Variants in RRAS2 observed in about 807,000 individuals in gnomAD.
RRAS2 encodes the protein RAS related 2, also known as ras-related protein R-Ras2.
Under a neutral mutation model 27.6 loss-of-function variants are expected in RRAS2, and 7 were observed. That is an observed-to-expected ratio of 0.25 (90% CI 0.14 to 0.48). The LOEUF is 0.48. Among genes scored for constraint, RRAS2 ranks in the 20% least tolerant of loss-of-function variants. The probability of loss-of-function intolerance (pLI) is 0.99; values close to 1 mark genes in which losing one functional copy is unlikely to be tolerated. For synonymous variants in RRAS2, 86 were observed against 90.9 expected (o/e 0.95, Z 0.31); for missense variants, 178 against 256.2 (o/e 0.69, Z 2.08).
At chr11:14,363,994 C>A (rs868912021), upstream of RRAS2, among the ~76,000 whole-genome samples, 1 of 150,154 alleles carries the variant, frequency 6.7e-6, no homozygotes, top group Non-Finnish European at 1.5e-5. Flanking sequence ...CGCTTGAACC[C>A]GGGAGGCGGA....
chr11:14,294,704 T>A (rs1249456141), intron 3 of RRAS2, 56 bp downstream of exon 3: 2 of 1,559,066 alleles, frequency 1.3e-6, no homozygotes, highest in African/African-American at 2.7e-5. Context: ...CCAAACTCAA[T>A]AAAGTCTAGT....
chr11:14,357,900 C>A (rs993340028), intron 1 of RRAS2, among the ~76,000 whole-genome samples: 2 of 152,180 alleles, frequency 1.3e-5, no homozygotes, highest in Non-Finnish European at 2.9e-5. Context: ...AACCTCTCCC[C>A]AAGAGCAAAT....
At chr11:14,280,398 A>T (rs1849491338) in intron 5 of RRAS2, among the ~76,000 whole-genome samples, 1 of 152,174 alleles carries the variant, frequency 6.6e-6, no homozygotes, top group South Asian at 2.1e-4. Context: ...AATAAGTAGA[A>T]GATCATCGCT....
At chr11:14,281,015 TCTG>T (rs1424385445) in intron 5 of RRAS2, among the ~76,000 whole-genome samples, 8 of 152,114 alleles carry the variant, frequency 5.3e-5, no homozygotes, top group African/African-American at 9.7e-5. Context: ...AGAAAAATTC[TCTG>T]TTGTGTGGGA....
Position 14,288,815 on chromosome 11 carries a change from G to C in RRAS2, c.408+5656C>G, listed in dbSNP as rs117007844. Among the ~76,000 whole-genome samples the C allele has an allele frequency of 2.8e-4, 43 of 152,280 alleles. No homozygotes were observed. The East Asian group carries it at 7.7e-3, about 27-fold the overall frequency. On this transcript the variant is annotated intron_variant, in intron 4 of 5. Coordinates refer to ENST00000256196, the MANE Select transcript of RRAS2 (RefSeq NM_012250.6). The stretch of plus-strand genomic sequence containing the variant: ...TCCAAATAGAATAAACTACATTTCA[G>C]TGCTCAGAGTTATGTCAAGTTAATG...
chr11:14,307,296 T>TGCC (rs1554948220), intron 1 of RRAS2, among the ~76,000 whole-genome samples: 2 of 151,436 alleles, frequency 1.3e-5, no homozygotes, highest in Non-Finnish European at 2.9e-5. Context: ...ACTCATGACA[T>TGCC]GCCTTTGACT....
At chr11:14,307,456 G>A (rs1014177530) in intron 1 of RRAS2, among the ~76,000 whole-genome samples, 8 of 151,818 alleles carry the variant, frequency 5.3e-5, no homozygotes, top group Non-Finnish European at 1.0e-4. Context: ...GTGCAATCTC[G>A]GCTCAATGCA....
In RRAS2 at chr11:14,358,648, G is replaced by T; in HGVS notation, c.108+115C>A. On this transcript the variant is annotated intron_variant, in intron 1 of 5. Transcript: ENST00000256196. This position sits in a 1 kb window ranked among gnomAD's most constrained non-coding sequence, Gnocchi z 5.1. ...CCGCGCCCTCCCGCCCCCTGGCCCC[G>T]GCCCGGGCCCGCGAGGCGCCTCTGG... is the stretch of plus-strand genomic sequence containing the variant. 1 of 973,732 alleles carries T rather than the reference G, an allele frequency of 1.0e-6. No homozygotes were observed. The highest frequency in any genetic ancestry group is 4.6e-5 in the South Asian group (1 of 21,596). 60.3% of individuals were successfully genotyped at this position (973,732 alleles called of 1,614,324 possible). A position where few individuals can be genotyped will look rare whatever the true frequency, so the allele number is the denominator to read the frequency against.
At chr11:14,296,286 C>T (rs1184356781) in intron 1 of RRAS2, among the ~76,000 whole-genome samples, 1 of 152,172 alleles carries the variant, frequency 6.6e-6, no homozygotes, top group Non-Finnish European at 1.5e-5. Context: ...TCCACTTATC[C>T]AGAACTAATC....
At chr11:14,308,167 A>G (rs1195053968) in intron 1 of RRAS2, 3 of 318,204 alleles carry the variant, frequency 9.4e-6, no homozygotes, top group Admixed American at 4.6e-5. Context: ...TGTGCACAAA[A>G]TATCTCTGGA....
At chr11:14,328,394 GA>G (rs1253251592) in intron 1 of RRAS2, among the ~76,000 whole-genome samples, 1 of 143,646 alleles carries the variant, frequency 7.0e-6, no homozygotes, top group Non-Finnish European at 1.5e-5. Context: ...AAAAGAGTGA[GA>G]AAAAATAATG....
intron 1 of RRAS2, among the ~76,000 whole-genome samples, chr11:14,306,101 TA>T (rs1403676214): frequency 6.8e-6 from 1 of 147,484 alleles, no homozygotes; most frequent in East Asian, 2.0e-4. Flanking sequence ...ACAGACACCC[TA>T]CGGATGTAAA....
chr11:14,282,701 G>C (rs973707806), intron 4 of RRAS2, among the ~76,000 whole-genome samples: 1 of 151,656 alleles, frequency 6.6e-6, no homozygotes, highest in African/African-American at 2.4e-5. Flanking sequence ...ATCAACCATA[G>C]AGAATCATGT....
chr11:14,288,535 G>A (rs1849724760), intron 4 of RRAS2, among the ~76,000 whole-genome samples: 1 of 152,194 alleles, frequency 6.6e-6, no homozygotes, highest in Admixed American at 6.5e-5. Flanking sequence ...ACAAAAGTAA[G>A]TACTTCCTAG....
At chr11:14,288,973 G>A (rs903655424) in intron 4 of RRAS2, among the ~76,000 whole-genome samples, 2 of 152,150 alleles carry the variant, frequency 1.3e-5, no homozygotes, top group Admixed American at 6.5e-5. Flanking sequence ...GCATACCTCT[G>A]TTCTATATGC....
Position 14,296,319 on chromosome 11 carries a change from G to A in RRAS2, c.109-464C>T, listed in dbSNP as rs1847549629. 1.3e-5 allele frequency among the ~76,000 whole-genome samples: 2 copies of A among 152,058 alleles called. 1 individual carries two copies. Among genetic ancestry groups the A allele is most frequent in the African/African-American group, 4.8e-5 (2 of 41,376 alleles). On this transcript the variant is annotated intron_variant, in intron 1 of 5. Transcript: ENST00000256196. Reference sequence around the variant, plus strand: ...ATCAAAACATTTTCACTGTACTAGGGTTTACCCTCTATGACAATTCCCCAC... The same window carrying A: ...ATCAAAACATTTTCACTGTACTAGGATTTACCCTCTATGACAATTCCCCAC...
At chr11:14,327,658 T>G (rs75081958) in intron 1 of RRAS2, among the ~76,000 whole-genome samples, 2,410 of 152,300 alleles carry the variant, frequency 0.016, 84 homozygotes, top group African/African-American at 0.055. Flanking sequence ...TAATAAAAAT[T>G]GACACAACAT....
chr11:14,280,726 CAAAAAAAAAAAAA>C lies in RRAS2; in HGVS notation c.527+863_527+875del, dbSNP rs58781581. Among the ~76,000 whole-genome samples, 99 of 48,330 alleles carry C rather than the reference CAAAAAAAAAAAAA, an allele frequency of 2.0e-3. 1 individual carries two copies. Among genetic ancestry groups the C allele is most frequent in the African/African-American group, 9.6e-3 (92 of 9,630 alleles). The allele number at this position is 48,330 out of a possible 152,430, so 31.7% of individuals were successfully genotyped here. On this transcript the variant is annotated intron_variant, in intron 5 of 5. Coordinates refer to ENST00000256196, the MANE Select transcript of RRAS2 (RefSeq NM_012250.6). ...GGGTGACAAAGAGAAACTCTGTTTC[CAAAAAAAAAAAAA>C]AAAAAAAAAAAAAAAAAAGCAGCCC...
At position 14,358,496 on chromosome 11, in the gene RRAS2, G is replaced by T. The variant is rs1332366144; in HGVS notation, c.108+267C>A. 2.0e-6 allele frequency: 2 copies of T among 985,492 alleles called. No homozygotes were observed. Among genetic ancestry groups the T allele is most frequent in the African/African-American group, 1.7e-5 (1 of 57,210 alleles). 61.0% of individuals were successfully genotyped at this position (985,492 alleles called of 1,614,324 possible). On this transcript the variant is annotated intron_variant, in intron 1 of 5. Coordinates refer to ENST00000256196, the MANE Select transcript of RRAS2 (RefSeq NM_012250.6). This position sits in a 1 kb window ranked among gnomAD's most constrained non-coding sequence, Gnocchi z 5.1. ...CTCGGCCAGAGCAATAAGGTGGATC[G>T]GTGCTTCCCACCCTTCCAGCTCCGC...
Sources: allele counts gnomAD v4.1 joint callset (sites outside exome capture counted in the v4.1 genomes callset), GRCh38; gene constraint gnomAD v4.1.1; non-coding constraint Gnocchi (gnomAD v3.1); transcripts MANE v1.5; gene names NCBI Gene and HGNC (gene_info 2026-07-23, HGNC 2026-07-21).